Variants in SEMA5B observed in about 807,000 individuals in gnomAD.
SEMA5B encodes semaphorin 5B, also known as semaphorin-5B.
SEMA5B carries 66 observed loss-of-function variants against 135.0 expected under a neutral mutation model. The observed-to-expected ratio is 0.49, with a 90% CI of 0.40 to 0.60. SEMA5B has a LOEUF of 0.60. Among genes scored for constraint, SEMA5B ranks in the 20% least tolerant of loss-of-function variants. The probability of loss-of-function intolerance (pLI) is 0.00; values close to 1 mark genes in which losing one functional copy is unlikely to be tolerated. For synonymous variants in SEMA5B, 690 were observed against 639.5 expected, an observed-to-expected ratio of 1.08 and a Z score of -1.19; for missense variants, 1,501 against 1,566.3, an observed-to-expected ratio of 0.96 and a Z score of 0.70.
At chr3:122,922,552 T>C in intron 10 of SEMA5B, 105 bp from the exon 11 acceptor site, 2 of 1,055,810 alleles carry the variant, frequency 1.9e-6, no homozygotes, top group Non-Finnish European at 2.8e-6. Context: ...CAGCGGACGC[T>C]GATTCTCCAG....
In SEMA5B at chr3:122,910,885, G is replaced by A. The variant is rs781480990; in HGVS notation, c.3252C>T (p.Gly1084=). 6.2e-6 allele frequency: 10 copies of A among 1,612,536 alleles called. No homozygotes were observed. The highest frequency in any genetic ancestry group is 4.0e-5 in the African/African-American group (3 of 74,782). ...PATPNHLHYK[G]GGTPKNEKYT... ...ACTTTTCATTCTTCGGGGTGCCTCCGCCCTTGTAGTGCAAATGGTTGGGGG... is the reference window on the plus strand; with the variant it reads ...ACTTTTCATTCTTCGGGGTGCCTCCACCCTTGTAGTGCAAATGGTTGGGGG... The change falls in exon 22 of 23, where the codon GGC becomes GGT. Residue 1084 remains glycine, a synonymous_variant. Coordinates refer to ENST00000357599, the MANE Select transcript of SEMA5B (RefSeq NM_001031702.4).
intron 1 of SEMA5B, among the ~76,000 whole-genome samples, chr3:122,994,118 G>A (rs891032670): frequency 2.6e-5 from 4 of 151,900 alleles, no homozygotes; most frequent in Admixed American, 6.6e-5. Context: ...ACTACAGCCC[G>A]ACTTCCTCAA....
At chr3:123,012,465 C>T (rs1300873982) in intron 1 of SEMA5B, among the ~76,000 whole-genome samples, 1 of 152,164 alleles carries the variant, frequency 6.6e-6, no homozygotes, top group East Asian at 1.9e-4. Context: ...ATAGGCATGG[C>T]CCCTCCGTCC....
At chr3:122,984,684 AC>A (rs1412279702) in intron 1 of SEMA5B, among the ~76,000 whole-genome samples, 1 of 152,214 alleles carries the variant, frequency 6.6e-6, no homozygotes, top group East Asian at 1.9e-4. Context: ...TACACAATAT[AC>A]CCATGTAACA....
chr3:122,928,608 C>A lies in SEMA5B; in HGVS notation c.545G>T (p.Cys182Phe). The change falls in exon 7 of 23, where the codon TGT becomes TTT. Residue 182 changes from cysteine to phenylalanine, a missense_variant. Cys to Phe is a radical substitution (Grantham distance 205, BLOSUM62 -2). Around this residue, in one of 2 missense-constraint regions of SEMA5B, gnomAD observed 574 missense variants for 684.7 expected, o/e 0.84. Transcript: ENST00000357599. The stretch of plus-strand genomic sequence containing the variant: ...GATCAGGACTCGCACGTAGTTCTGA[C>A]ACTCCTCCTGAGGCAGGAAGGAAAG... ...CQSKGKTEEE[C>F]QNYVRVLIVA... 1 of 1,554,906 alleles carries A rather than the reference C, an allele frequency of 6.4e-7. No homozygotes were observed. The highest frequency in any genetic ancestry group is 1.2e-5 in the South Asian group (1 of 84,194).
rs1398510431 is a variant in SEMA5B, at chr3:122,966,560, ATT to A, written c.-38-5261_-38-5260del. Among the ~76,000 whole-genome samples the A allele has an allele frequency of 7.3e-5, 10 of 137,616 alleles. No homozygotes were observed. In the South Asian group the frequency reaches 1.5e-3, roughly 20 times the overall value. 90.3% of individuals were successfully genotyped at this position (137,616 alleles called of 152,430 possible). ...GTTTATTATTATTATTATTATTATT[ATT>A]ATTATTTTTTGAGACGGAGTCTCGC... On this transcript the variant is annotated intron_variant, in intron 1 of 22. Coordinates refer to ENST00000357599, the MANE Select transcript of SEMA5B (RefSeq NM_001031702.4).
At chr3:122,990,501 C>T (rs1263039977) in intron 1 of SEMA5B, among the ~76,000 whole-genome samples, 1 of 152,142 alleles carries the variant, frequency 6.6e-6, no homozygotes, top group African/African-American at 2.4e-5. Context: ...GTAACTTTGC[C>T]TGCATGGGAG....
intron 18 of SEMA5B, 33 bp from the exon 19 acceptor site, chr3:122,912,375 G>C: frequency 6.6e-7 from 1 of 1,520,088 alleles, no homozygotes; most frequent in Non-Finnish European, 8.8e-7. Flanking sequence ...AGGGGCTGTA[G>C]GGGCAGCCAG....
chr3:122,956,532 C>A (rs1408557878), intron 2 of SEMA5B, among the ~76,000 whole-genome samples: 1 of 152,192 alleles, frequency 6.6e-6, no homozygotes, highest in Non-Finnish European at 1.5e-5. Context: ...AGGCCTGCAG[C>A]TACACAGCGA....
intron 2 of SEMA5B, among the ~76,000 whole-genome samples, chr3:122,956,362 G>A (rs1460431779): frequency 6.6e-6 from 1 of 152,192 alleles, no homozygotes; most frequent in Non-Finnish European, 1.5e-5. Flanking sequence ...CACGCCCCCT[G>A]AGGCCTCCCC....
chr3:122,929,071 C>A lies in SEMA5B; in HGVS notation c.475-13G>T. 6.2e-7 allele frequency: 1 copy of A among 1,610,100 alleles called. No individual in the cohort carries two copies. Among genetic ancestry groups the A allele is most frequent in the South Asian group, 1.1e-5 (1 of 91,032 alleles). On this transcript the variant is annotated splice_polypyrimidine_tract_variant and intron_variant, in intron 5 of 22. Transcript: ENST00000357599. ...CCCACTCTGTGGCCTGGGGGAGGAA[C>A]ATAGGAGCACACAGACATCACATGG...
intron 10 of SEMA5B, 129 bp downstream of exon 10, chr3:122,923,488 A>G (rs905691969): frequency 1.4e-5 from 14 of 1,023,050 alleles, no homozygotes; most frequent in Non-Finnish European, 2.1e-5. Context: ...TGGACCCCAG[A>G]GATGGGCATG....
At chr3:122,956,745 C>T (rs1376689025) in intron 2 of SEMA5B, among the ~76,000 whole-genome samples, 3 of 152,132 alleles carry the variant, frequency 2.0e-5, no homozygotes, top group Non-Finnish European at 4.4e-5. Context: ...CCATTCCATT[C>T]AGCACGAGGA....
chr3:122,910,708 G>A (rs1399066077), intron 22 of SEMA5B, 132 bp downstream of exon 22: 1 of 693,760 alleles, frequency 1.4e-6, no homozygotes, highest in African/African-American at 1.8e-5. Flanking sequence ...TACTTGGGAG[G>A]CTGAGGCAGG....
At position 122,929,043 on chromosome 3, in the gene SEMA5B, A is replaced by T. The variant is rs761965492; in HGVS notation, c.490T>A (p.Ser164Thr). 20 of 1,611,844 alleles carry T rather than the reference A, an allele frequency of 1.2e-5. No individual in the cohort carries two copies. The South Asian group carries it at 2.2e-4, about 18-fold the overall frequency. Residue 164 changes from serine (S) to threonine (T), a missense_variant, in exon 6 of 23, where the codon TCC (serine) becomes ACC (threonine). Transcript: ENST00000357599. ...VSLLQATEWA[S>T]SEDTRRSCQS... ...CAGGAGCGGCGCGTGTCCTCACTGG[A>T]GGCCCACTCTGTGGCCTGGGGGAGG...
chr3:122,999,244 T>A (rs932340528), intron 1 of SEMA5B, among the ~76,000 whole-genome samples: 1 of 152,140 alleles, frequency 6.6e-6, no homozygotes, highest in East Asian at 1.9e-4. Flanking sequence ...TCTTTTTTTT[T>A]AGATGGAGTC....
intron 3 of SEMA5B, among the ~76,000 whole-genome samples, chr3:122,946,667 G>C (rs1939803658): frequency 6.6e-6 from 1 of 152,134 alleles, no homozygotes; most frequent in South Asian, 2.1e-4. Context: ...ACCAAAGGCA[G>C]TGACTTTTAA....
intron 2 of SEMA5B, among the ~76,000 whole-genome samples, chr3:122,949,996 T>G (rs1939972652): frequency 6.6e-6 from 1 of 152,232 alleles, no homozygotes; most frequent in Non-Finnish European, 1.5e-5. Context: ...TCTATTAAGT[T>G]CTTTCTCTAT....
chr3:122,986,262 T>C (rs1277661343), intron 1 of SEMA5B, among the ~76,000 whole-genome samples: 1 of 152,226 alleles, frequency 6.6e-6, no homozygotes, highest in Admixed American at 6.5e-5. Flanking sequence ...GGACAGGTGC[T>C]TTGATAATGG....
Sources: gnomAD v4.1 joint callset for allele counts (sites outside exome capture counted in the v4.1 genomes callset) on GRCh38, gnomAD v4.1.1 for gene constraint, gnomAD v4.1.1 regional missense constraint, MANE v1.5 for transcripts, NCBI Gene and HGNC (gene_info 2026-07-23, HGNC 2026-07-21) for gene names.